The following TTC16 variants were observed in gnomAD, a reference collection of about 807,000 sequenced individuals.
The protein encoded by TTC16 is tetratricopeptide repeat protein 16.
Under a neutral mutation model 80.4 loss-of-function variants are expected in TTC16, and 66 were observed. The observed-to-expected ratio is 0.82, with a 90% CI of 0.67 to 1.01. The LOEUF (loss-of-function observed/expected upper bound fraction) is 1.01. Ranked by LOEUF, TTC16 falls within the 50% of genes least tolerant of loss-of-function variation. The pLI is 0.00. For missense variants in TTC16, 1,070 were observed against 1,103.2 expected, an observed-to-expected ratio of 0.97 and a Z score of 0.43; for synonymous variants, 438 against 451.3, an observed-to-expected ratio of 0.97 and a Z score of 0.37.
intron 2 of TTC16, 144 bp from the exon 3 acceptor site, chr9:127,717,190 C>A (rs1180832097): frequency 3.4e-6 from 4 of 1,181,044 alleles, no homozygotes; most frequent in African/African-American, 3.0e-5. Context: ...CCAGGAACAC[C>A]AGCCTGCCCT....
rs759169312 is a variant in TTC16 at position 127,717,641 on chromosome 9, G to A, written c.295G>A (p.Ala99Thr). 1 of 1,613,956 alleles carries A rather than the reference G, an allele frequency of 6.2e-7. No homozygotes were observed. Among genetic ancestry groups the A allele is most frequent in the Admixed American group, 1.7e-5 (1 of 60,004 alleles). ...HLDPQLVDFY[A>T]LRAEAYLQLC... ...CCCTCACCCTCAGGTGGACTTCTATGCCTTACGGGCTGAGGCCTACCTCCA... is the reference window on the plus strand; with the variant it reads ...CCCTCACCCTCAGGTGGACTTCTATACCTTACGGGCTGAGGCCTACCTCCA... Residue 99 changes from alanine (A) to threonine (T), a missense_variant, in exon 4 of 14, where the codon GCC becomes ACC. Coordinates refer to ENST00000373289, the MANE Select transcript of TTC16 (RefSeq NM_144965.3).
chr9:127,731,185 G>C lies in TTC16; in HGVS notation c.2402G>C (p.Ser801Thr). 4.3e-6 allele frequency: 7 copies of C among 1,612,868 alleles called. No homozygotes were observed. Among genetic ancestry groups the C allele is most frequent in the Non-Finnish European group, 5.9e-6 (7 of 1,179,892 alleles). The change falls in exon 14 of 14, where the codon AGT becomes ACT. Residue 801 changes from serine (S) to threonine (T), a missense_variant. Ser to Thr is a moderately conservative substitution (Grantham distance 58). Transcript: ENST00000373289. ...TQGRSRGLLR[S>T]STKTEAFYDS... ...GGCCGAAGCAGGGGACTGCTCCGAAGTTCCACCAAGACTGAGGCTTTCTAT... is the reference window on the plus strand; with the variant it reads ...GGCCGAAGCAGGGGACTGCTCCGAACTTCCACCAAGACTGAGGCTTTCTAT...
rs757263281 is a variant in TTC16, at chr9:127,726,305, CTACCTGTACCGGGCCA to C, written c.1327_1342del (p.Tyr443ArgfsTer32). 4 of 1,611,926 alleles carry C rather than the reference CTACCTGTACCGGGCCA, an allele frequency of 2.5e-6. No individual in the cohort carries two copies. The highest frequency in any genetic ancestry group is 3.4e-6 in the Non-Finnish European group (4 of 1,179,226). On this transcript the variant is annotated frameshift_variant, in exon 10 of 14. Coordinates refer to ENST00000373289, the MANE Select transcript of TTC16 (RefSeq NM_144965.3). LOFTEE classifies it high-confidence loss of function. Reference sequence around the variant, plus strand: ...GGCACAACCCCCAGAAGGCCCAGTACTACCTGTACCGGGCCAAGAGCCGGCAGCTGCTGCAGAACAT... The same window carrying C: ...GGCACAACCCCCAGAAGGCCCAGTACAGAGCCGGCAGCTGCTGCAGAACAT...
chr9:127,724,196 G>C lies in TTC16; in HGVS notation c.949G>C (p.Glu317Gln). The C allele has an allele frequency of 1.2e-6, 2 of 1,613,310 alleles. No individual in the cohort carries two copies. The highest frequency in any genetic ancestry group is 1.7e-6 in the Non-Finnish European group (2 of 1,180,026). Residue 317 changes from glutamate (E) to glutamine (Q), a missense_variant, in exon 8 of 14, where the codon GAG (glutamate) becomes CAG (glutamine). Transcript: ENST00000373289. Reference protein sequence around the residue: ...DFLKVLDMVTEDQEDMVRQAQ... With the variant: ...DFLKVLDMVTQDQEDMVRQAQ... ...CCTGAAGGTGCTGGACATGGTGACCGAGGACCAGGAGGACATGGTGCGGCA... is the reference window on the plus strand; with the variant it reads ...CCTGAAGGTGCTGGACATGGTGACCCAGGACCAGGAGGACATGGTGCGGCA...
At chr9:127,725,133 G>C (rs1056916896) in intron 9 of TTC16, among the ~76,000 whole-genome samples, 8 of 152,222 alleles carry the variant, frequency 5.3e-5, no homozygotes, top group African/African-American at 1.9e-4. Flanking sequence ...AATTAGCTGG[G>C]CGTGGTGGTG....
intron 1 of TTC16, 73 bp from the exon 2 acceptor site, chr9:127,716,770 GA>G: frequency 6.6e-7 from 1 of 1,518,918 alleles, no homozygotes; most frequent in South Asian, 1.2e-5. Context: ...CCTCCCTGCA[GA>G]ATGCTGGGGA....
rs2131618441 is a variant in TTC16 at position 127,718,232 on chromosome 9, C to T, written c.426+460C>T. 6.6e-6 allele frequency among the ~76,000 whole-genome samples: 1 copy of T among 152,116 alleles called. No homozygotes were observed. Among genetic ancestry groups the T allele is most frequent in the African/African-American group, 2.4e-5 (1 of 41,510 alleles). On this transcript the variant is annotated intron_variant, in intron 4 of 13. Coordinates refer to ENST00000373289, the MANE Select transcript of TTC16 (RefSeq NM_144965.3). This position sits in a 1 kb window ranked among gnomAD's most constrained non-coding sequence, Gnocchi z 4.6. ...CCTCCTGAGTAGCTGGGACTACAGG[C>T]ACACGCCACCACGCCTGGCTAATTT...
chr9:127,723,876 C>T (rs1843687222), intron 7 of TTC16, among the ~76,000 whole-genome samples: 3 of 149,774 alleles, frequency 2.0e-5, no homozygotes. Flanking sequence ...CTGGCATACA[C>T]CTGGCTCCCA....
chr9:127,724,023 C>T, intron 7 of TTC16, 97 bp from the exon 8 acceptor site: 1 of 1,439,928 alleles, frequency 6.9e-7, no homozygotes, highest in Non-Finnish European at 9.2e-7. Context: ...GGTCAGGAGG[C>T]CCAGAGCCGG....
chr9:127,720,228 C>T, intron 5 of TTC16, 38 bp from the exon 6 acceptor site: 1 of 1,613,396 alleles, frequency 6.2e-7, no homozygotes, highest in South Asian at 1.1e-5. Flanking sequence ...CCTGCCGCCC[C>T]ACCCGGGAAA....
rs988105233 is a variant in TTC16 at position 127,722,532 on chromosome 9, C to G, written c.658-587C>G. On this transcript the variant is annotated intron_variant, in intron 6 of 13. Coordinates refer to ENST00000373289, the MANE Select transcript of TTC16 (RefSeq NM_144965.3). This position sits in a 1 kb window ranked among gnomAD's most constrained non-coding sequence, Gnocchi z 4.2. ...GCACCTTGAGTGGGCTTCACAGAGG[C>G]CTGACAAGGAGGTAGCATCTGCAGA... Among the ~76,000 whole-genome samples, 2 of 152,132 alleles carry G rather than the reference C, an allele frequency of 1.3e-5. No individual in the cohort carries two copies. Among genetic ancestry groups the G allele is most frequent in the African/African-American group, 2.4e-5 (1 of 41,424 alleles).
chr9:127,720,056 T>A, intron 4 of TTC16, 22 bp from the exon 5 acceptor site: 2 of 1,611,564 alleles, frequency 1.2e-6, no homozygotes, highest in South Asian at 2.2e-5. Context: ...CAAGCAGAAT[T>A]GACTGTCCCC....
Position 127,727,282 on chromosome 9 carries a change from G to T in TTC16, c.1581G>T (p.Arg527=), listed in dbSNP as rs1465309822. 1 of 1,566,130 alleles carries T rather than the reference G, an allele frequency of 6.4e-7. No individual in the cohort carries two copies. Among genetic ancestry groups the T allele is most frequent in the Non-Finnish European group, 8.7e-7 (1 of 1,153,570 alleles). ...TATCGTTTGGCAGGATGCTTAAACG[G>T]CACGAGTTGGAGCGCCAGAAGGCCT... ...SPQGIVGMLK[R]HELERQKALA... is the part of the protein sequence containing the mutation. Residue 527 remains arginine, a synonymous_variant, in exon 12 of 14, where the codon CGG becomes CGT. Transcript: ENST00000373289.
intron 4 of TTC16, among the ~76,000 whole-genome samples, chr9:127,719,011 G>C (rs901372253): frequency 6.6e-6 from 1 of 151,492 alleles, no homozygotes; most frequent in African/African-American, 2.4e-5. Context: ...AGGAGTTTGA[G>C]ACCAGCCTGG....
At chr9:127,716,201 G>A in intron 1 of TTC16, 38 bp downstream of exon 1, 1 of 1,613,756 alleles carries the variant, frequency 6.2e-7, no homozygotes, top group Non-Finnish European at 8.5e-7. Flanking sequence ...AAGGCAGAGG[G>A]CCAGGCAGAG....
rs137884355 is a variant in TTC16, at chr9:127,720,367, G to A, written c.629G>A (p.Arg210Gln). The A allele has an allele frequency of 6.0e-5, 97 of 1,613,236 alleles. No homozygotes were observed. The African/African-American group carries it at 8.4e-4, about 14-fold the overall frequency. Residue 210 changes from arginine (R) to glutamine (Q), a missense_variant, in exon 6 of 14, where the codon CGG becomes CAG. Coordinates refer to ENST00000373289, the MANE Select transcript of TTC16 (RefSeq NM_144965.3). ...ACCAACGCCGATGTCTACATCTTCC[G>A]GGCCAGACTCTACAACTTTCTCCAG... The part of the protein sequence containing the change: ...DTTNADVYIF[R>Q]ARLYNFLQKP...
rs1489375384 is a variant in TTC16, at chr9:127,717,730, CT to C, written c.385del (p.Cys129AlafsTer28). The C allele has an allele frequency of 6.2e-7, 1 of 1,613,920 alleles. No homozygotes were observed. Among genetic ancestry groups the C allele is most frequent in the Non-Finnish European group, 8.5e-7 (1 of 1,180,026 alleles). On this transcript the variant is annotated frameshift_variant, in exon 4 of 14. Transcript: ENST00000373289. LOFTEE classifies it high-confidence loss of function. ...GGGCCTACTCATTACAGCAGGACAA[CT>C]GCAAGCACCTGGAGCGCCTCACCTT... ...RRAYSLQQDN[C>X]KHLERLTFVL...
chr9:127,716,104 G>C lies in TTC16; in HGVS notation c.-42G>C, dbSNP rs372505648. On this transcript the variant is annotated 5_prime_UTR_variant, in exon 1 of 14. Transcript: ENST00000373289. Reference sequence around the variant, plus strand: ...AGCAACGTCAGGGCCAGGGCCGCGAGGTAGTTGGCAGAGGCCTCGGGGTCC... The same window carrying C: ...AGCAACGTCAGGGCCAGGGCCGCGACGTAGTTGGCAGAGGCCTCGGGGTCC... The C allele has an allele frequency of 4.3e-6, 7 of 1,613,854 alleles. No individual in the cohort carries two copies. The highest frequency in any genetic ancestry group is 1.7e-4 in the Middle Eastern group (1 of 6,058).
At position 127,730,785 on chromosome 9, in the gene TTC16, G is replaced by A. The variant is rs867051123; in HGVS notation, c.2002G>A (p.Gly668Ser). Residue 668 changes from glycine to serine, a missense_variant, in exon 14 of 14, where the codon GGT becomes AGT. Physicochemically the swap from Gly to Ser is moderately conservative, Grantham distance 56. Coordinates refer to ENST00000373289, the MANE Select transcript of TTC16 (RefSeq NM_144965.3). ...GAACAACAGGGAGGCACTAAGCCAT[G>A]GTCCCAGAAAAATCAAGGCCACCCA... ...SGNNREALSH[G>S]PRKIKATQGQ... 2 of 1,613,806 alleles carry A rather than the reference G, an allele frequency of 1.2e-6. No individual in the cohort carries two copies. The highest frequency in any genetic ancestry group is 1.7e-6 in the Non-Finnish European group (2 of 1,180,040).
Sources: allele counts gnomAD v4.1 joint callset (sites outside exome capture counted in the v4.1 genomes callset), GRCh38; gene constraint gnomAD v4.1.1; non-coding constraint Gnocchi (gnomAD v3.1); transcripts MANE v1.5; gene names NCBI Gene and HGNC (gene_info 2026-07-23, HGNC 2026-07-21).